RABEPK: variants seen among roughly 807,000 people sequenced by gnomAD.
The protein encoded by RABEPK is 40 kDa Rab9 effector protein.
RABEPK carries 27 observed loss-of-function variants against 34.1 expected under a neutral mutation model. That is an observed-to-expected ratio of 0.79 (90% CI 0.58 to 1.09). The LOEUF is 1.09. Ranked by LOEUF, RABEPK falls within the 50% of genes least tolerant of loss-of-function variation. RABEPK has a pLI of 0.00. For missense variants in RABEPK, 449 were observed against 462.6 expected (o/e 0.97, Z 0.27); for synonymous variants, 172 against 169.2 (o/e 1.02, Z -0.13).
At chr9:125,228,675 A>G (rs1831950982) in intron 6 of RABEPK, among the ~76,000 whole-genome samples, 2 of 149,318 alleles carry the variant, frequency 1.3e-5, no homozygotes, top group South Asian at 2.1e-4. Context: ...AAAGAAAAAA[A>G]AAAAAAAGCC....
In RABEPK at chr9:125,207,554, C is replaced by T; in HGVS notation, c.54-10C>T. On this transcript the variant is annotated splice_polypyrimidine_tract_variant and intron_variant, in intron 2 of 7. Coordinates refer to ENST00000373538, the MANE Select transcript of RABEPK (RefSeq NM_005833.4). ...GCTCAGGCCTCCTGAATACATCCTT[C>T]CTTTGGCAGGTACACCTTGACTGTC... 1 of 1,613,274 alleles carries T rather than the reference C, an allele frequency of 6.2e-7. No homozygotes were observed. The highest frequency in any genetic ancestry group is 8.5e-7 in the Non-Finnish European group (1 of 1,179,184).
At chr9:125,208,993 C>T (rs1323980996) in intron 3 of RABEPK, among the ~76,000 whole-genome samples, 2 of 151,698 alleles carry the variant, frequency 1.3e-5, no homozygotes, top group African/African-American at 2.4e-5. Flanking sequence ...ACCTAGCCAG[C>T]GAATATCATC....
chr9:125,232,975 C>CT (rs1286734595), intron 7 of RABEPK, among the ~76,000 whole-genome samples: 2 of 151,228 alleles, frequency 1.3e-5, no homozygotes, highest in Non-Finnish European at 2.9e-5. Flanking sequence ...ACTCGGGAGG[C>CT]TGAGGCAGGG....
chr9:125,229,108 G>A (rs1831990683), intron 6 of RABEPK, among the ~76,000 whole-genome samples: 1 of 151,702 alleles, frequency 6.6e-6, no homozygotes, highest in Non-Finnish European at 1.5e-5. Context: ...ATAAAAATTA[G>A]CCAGGCGTGG....
rs1832421459 is a variant in RABEPK, at chr9:125,234,086, C to T, written c.*106C>T. The T allele has an allele frequency of 8.3e-7, 1 of 1,200,146 alleles. No individual in the cohort carries two copies. The highest frequency in any genetic ancestry group is 1.2e-6 in the Non-Finnish European group (1 of 847,174). The allele number at this position is 1,200,146 out of a possible 1,614,324, so 74.3% of individuals were successfully genotyped here. The stretch of plus-strand genomic sequence containing the variant: ...TCTTCTGCATTATATATCTGTTTTT[C>T]TCCTACTTTGGTAGGTGAAGAAACT... On this transcript the variant is annotated 3_prime_UTR_variant, in exon 8 of 8. Transcript: ENST00000373538.
chr9:125,220,718 C>T lies in RABEPK; in HGVS notation c.526+18C>T, dbSNP rs1406855268. On this transcript the variant is annotated intron_variant, in intron 5 of 7. Coordinates refer to ENST00000373538, the MANE Select transcript of RABEPK (RefSeq NM_005833.4). ...TGACGCAAGTATGGACTGGTGGGCACCTTGGGGCTGGTCAGGGCCATCCCA... is the reference window on the plus strand; with the variant it reads ...TGACGCAAGTATGGACTGGTGGGCATCTTGGGGCTGGTCAGGGCCATCCCA... 6.2e-7 allele frequency: 1 copy of T among 1,611,326 alleles called. No homozygotes were observed. Among genetic ancestry groups the T allele is most frequent in the African/African-American group, 1.3e-5 (1 of 74,992 alleles).
intron 6 of RABEPK, 38 bp downstream of exon 6, chr9:125,228,097 T>G (rs747620459): frequency 3.9e-5 from 52 of 1,318,240 alleles, no homozygotes; most frequent in Non-Finnish European, 4.9e-5. Context: ...TTAAAATTGT[T>G]ATTTTTATTT....
chr9:125,217,661 C>CTTAG (rs1464880184), intron 4 of RABEPK, among the ~76,000 whole-genome samples: 3 of 152,116 alleles, frequency 2.0e-5, no homozygotes, highest in Admixed American at 2.0e-4. Context: ...GAAATATGTA[C>CTTAG]TTAGTTGCAT....
intron 5 of RABEPK, among the ~76,000 whole-genome samples, chr9:125,224,110 G>A (rs931564102): frequency 6.6e-6 from 1 of 150,584 alleles, no homozygotes; most frequent in Non-Finnish European, 1.5e-5. Context: ...CAGGAGAATC[G>A]CTTCTCCTGG....
chr9:125,227,642 G>T (rs1831855480), intron 5 of RABEPK, among the ~76,000 whole-genome samples: 1 of 151,748 alleles, frequency 6.6e-6, no homozygotes, highest in African/African-American at 2.4e-5. Flanking sequence ...TGTTGGCCAG[G>T]CTGGCCTCGA....
intron 2 of RABEPK, 145 bp from the exon 3 acceptor site, chr9:125,207,419 C>A: frequency 1.2e-6 from 1 of 829,650 alleles, no homozygotes; most frequent in Non-Finnish European, 1.9e-6. Context: ...TATTATTAAT[C>A]AGAGAAGTGC....
chr9:125,209,431 C>T (rs1830449733), intron 3 of RABEPK, among the ~76,000 whole-genome samples: 1 of 151,724 alleles, frequency 6.6e-6, no homozygotes, highest in Admixed American at 6.6e-5. Flanking sequence ...CTCACTGCAA[C>T]CTCTGCCTAC....
At chr9:125,231,482 A>G (rs1187814171) in intron 6 of RABEPK, among the ~76,000 whole-genome samples, 5 of 152,028 alleles carry the variant, frequency 3.3e-5, no homozygotes, top group Non-Finnish European at 7.4e-5. Context: ...TTCCTTCTCT[A>G]TTCTTGTTTG....
At chr9:125,231,324 T>C (rs1832161615) in intron 6 of RABEPK, among the ~76,000 whole-genome samples, 1 of 151,908 alleles carries the variant, frequency 6.6e-6, no homozygotes, top group Admixed American at 6.6e-5. Flanking sequence ...TTTGAAAAGA[T>C]GCAAGTTTCC....
intron 5 of RABEPK, among the ~76,000 whole-genome samples, chr9:125,223,725 TAAAAAA>T (rs35661565): frequency 2.5e-5 from 3 of 119,740 alleles, no homozygotes; most frequent in Non-Finnish European, 3.4e-5. Flanking sequence ...ACCCTGACTC[TAAAAAA>T]AAAAAAAAAA....
intron 5 of RABEPK, among the ~76,000 whole-genome samples, chr9:125,222,923 T>C (rs1285158716): frequency 6.6e-6 from 1 of 152,066 alleles, no homozygotes; most frequent in Non-Finnish European, 1.5e-5. Context: ...CCTTCAGCTT[T>C]GGTCCCTCAA....
At chr9:125,233,353 G>A (rs1365457312) in intron 7 of RABEPK, among the ~76,000 whole-genome samples, 25 of 44,418 alleles carry the variant, frequency 5.6e-4, no homozygotes, top group Non-Finnish European at 8.7e-4. Context: ...TTTTTTTTTT[G>A]TCTGAGATGG....
chr9:125,233,663 G>A, intron 7 of RABEPK, 25 bp from the exon 8 acceptor site: 1 of 1,599,176 alleles, frequency 6.3e-7, no homozygotes, highest in Non-Finnish European at 8.5e-7. Flanking sequence ...TTCTTAACAT[G>A]AAGCCTTTTC....
intron 1 of RABEPK, 76 bp downstream of exon 1, chr9:125,200,982 C>G: frequency 5.1e-6 from 2 of 390,576 alleles, no homozygotes; most frequent in South Asian, 1.9e-5. Context: ...CTACTCCATG[C>G]CAGGTCCATT....
Sources: gnomAD v4.1 joint callset for allele counts (sites outside exome capture counted in the v4.1 genomes callset) on GRCh38, gnomAD v4.1.1 for gene constraint, MANE v1.5 for transcripts, NCBI Gene and HGNC (gene_info 2026-07-23, HGNC 2026-07-21) for gene names.